EPHA7: variants seen among roughly 807,000 people sequenced by gnomAD.
The protein encoded by EPHA7 is EPH receptor A7, also known as ephrin type-A receptor 7.
In EPHA7, 25 loss-of-function variants were observed where a neutral mutation model predicts 112.6. That is an observed-to-expected ratio of 0.22 (90% CI 0.16 to 0.31). EPHA7 has a LOEUF of 0.31. Among genes scored for constraint, EPHA7 ranks in the 10% least tolerant of loss-of-function variants. EPHA7 has a pLI of 1.00. For synonymous variants in EPHA7, 437 were observed against 406.5 expected (o/e 1.07, Z -0.90); for missense variants, 962 against 1,212.6 (o/e 0.79, Z 3.07).
At position 93,259,366 on chromosome 6, in the gene EPHA7, C is replaced by T. The variant is rs1360471715; in HGVS notation, c.1912G>A (p.Val638Met). 1.2e-6 allele frequency: 2 copies of T among 1,611,874 alleles called. No individual in the cohort carries two copies. The highest frequency in any genetic ancestry group is 2.7e-5 in the African/African-American group (2 of 74,932). Residue 638 changes from valine (V) to methionine (M), a missense_variant, in exon 10 of 17, where the codon GTG becomes ATG. By Grantham distance (21) the Val-to-Met change is conservative. Coordinates refer to ENST00000369303, the MANE Select transcript of EPHA7 (RefSeq NM_004440.4). ...ACAATAGCCTTACCTGCACCAATCA[C>T]ACGCTCAATTTTAATACAGGAGGCA... ...LDASCIKIERVIGAGEFGEVC... is the reference protein window; with the variant it reads ...LDASCIKIERMIGAGEFGEVC...
intron 3 of EPHA7, among the ~76,000 whole-genome samples, chr6:93,403,025 C>T (rs1178808547): frequency 6.6e-6 from 1 of 151,996 alleles, no homozygotes; most frequent in African/African-American, 2.4e-5. Flanking sequence ...ATTATCTTCA[C>T]ATGAATAAAT....
Position 93,257,531 on chromosome 6 carries a change from TAAA to T in EPHA7, c.2111-11_2111-9del. On this transcript the variant is annotated splice_polypyrimidine_tract_variant and intron_variant, in intron 11 of 16. Coordinates refer to ENST00000369303, the MANE Select transcript of EPHA7 (RefSeq NM_004440.4). ...CTATCATGACTGGTTTCCCTAAAAT[TAAA>T]AAAAAAAAGTTTCAGGAGTCGTAAC... 1 of 1,305,138 alleles carries T rather than the reference TAAA, an allele frequency of 7.7e-7. No individual in the cohort carries two copies. Among genetic ancestry groups the T allele is most frequent in the Non-Finnish European group, 1.0e-6 (1 of 957,944 alleles). 80.8% of individuals were successfully genotyped at this position (1,305,138 alleles called of 1,614,324 possible). A position where few individuals can be genotyped will look rare whatever the true frequency, so the allele number is the denominator to read the frequency against.
chr6:93,262,730 A>G (rs116331464), intron 9 of EPHA7, among the ~76,000 whole-genome samples: 2,407 of 151,524 alleles, frequency 0.016, 65 homozygotes, highest in African/African-American at 0.055. Flanking sequence ...AACTAAAGGT[A>G]ACTGTTGGTT....
At chr6:93,387,100 T>C (rs1356618771) in intron 3 of EPHA7, among the ~76,000 whole-genome samples, 1 of 151,878 alleles carries the variant, frequency 6.6e-6, no homozygotes, top group African/African-American at 2.4e-5. Context: ...CCCCAGAAAA[T>C]TTTTTTTTCT....
intron 5 of EPHA7, among the ~76,000 whole-genome samples, chr6:93,302,575 C>A (rs540602700): frequency 6.6e-6 from 1 of 152,322 alleles, no homozygotes; most frequent in Non-Finnish European, 1.5e-5. Flanking sequence ...GAGATGTAGA[C>A]TGCTCTACCT....
intron 5 of EPHA7, among the ~76,000 whole-genome samples, chr6:93,316,444 C>A (rs164296): frequency 0.36 from 54,037 of 151,728 alleles, 10,033 homozygotes; most frequent in African/African-American, 0.46. Context: ...CATATGTTTT[C>A]AGAGACTTTG....
chr6:93,256,122 C>A, intron 12 of EPHA7, 85 bp from the exon 13 acceptor site: 1 of 1,221,616 alleles, frequency 8.2e-7, no homozygotes, highest in Non-Finnish European at 1.2e-6. Context: ...TGCGTGCTAG[C>A]AATTTGCTAT....
chr6:93,369,384 C>A (rs1450285222), intron 3 of EPHA7, among the ~76,000 whole-genome samples: 1 of 152,156 alleles, frequency 6.6e-6, no homozygotes, highest in African/African-American at 2.4e-5. Context: ...ATCCTACTAA[C>A]TTTGCATCCA....
intron 5 of EPHA7, among the ~76,000 whole-genome samples, chr6:93,325,722 C>A (rs771219271): frequency 6.6e-6 from 1 of 151,244 alleles, no homozygotes; most frequent in Non-Finnish European, 1.5e-5. Flanking sequence ...AAAACTGTTA[C>A]GAATCTACTG....
At chr6:93,368,113 A>G (rs1031639907) in intron 3 of EPHA7, among the ~76,000 whole-genome samples, 20 of 152,172 alleles carry the variant, frequency 1.3e-4, no homozygotes, top group Non-Finnish European at 2.9e-4. Flanking sequence ...TCTAAACACT[A>G]CATTATCCTT....
intron 5 of EPHA7, among the ~76,000 whole-genome samples, chr6:93,350,991 ATT>A (rs1775664131): frequency 6.6e-6 from 1 of 151,990 alleles, no homozygotes; most frequent in Non-Finnish European, 1.5e-5. Context: ...TGCCACTCTT[ATT>A]CTTTTGCATA....
Position 93,357,069 on chromosome 6 carries a change from TA to T in EPHA7, c.989-18del, listed in dbSNP as rs1350081329. On this transcript the variant is annotated intron_variant, in intron 4 of 16. Transcript: ENST00000369303. ...ATGGAGGCCCTTGGGAAACCAAGAA[TA>T]AATAAGTAAATAAGCAAAAATAGAA... The T allele has an allele frequency of 1.3e-6, 2 of 1,534,266 alleles. No homozygotes were observed. Among genetic ancestry groups the T allele is most frequent in the Non-Finnish European group, 1.8e-6 (2 of 1,135,744 alleles).
chr6:93,358,412 C>A lies in EPHA7; in HGVS notation c.833-1G>T. 1.3e-6 allele frequency: 2 copies of A among 1,591,090 alleles called. No homozygotes were observed. The highest frequency in any genetic ancestry group is 1.4e-5 in the African/African-American group (1 of 73,642). On this transcript the variant is annotated splice_acceptor_variant, in intron 3 of 16. Transcript: ENST00000369303. LOFTEE classifies it high-confidence loss of function. ...GACTTGTAGAACCCACGGCCACAGGCTGGGAATGCAAAAGAAAGCAAAAAT... is the reference window on the plus strand; with the variant it reads ...GACTTGTAGAACCCACGGCCACAGGATGGGAATGCAAAAGAAAGCAAAAAT...
chr6:93,416,152 C>T (rs1779211409), intron 1 of EPHA7, among the ~76,000 whole-genome samples: 1 of 151,864 alleles, frequency 6.6e-6, no homozygotes, highest in South Asian at 2.1e-4. Flanking sequence ...ACACCCACAA[C>T]ACTTTCAAAA....
intron 3 of EPHA7, among the ~76,000 whole-genome samples, chr6:93,380,344 A>T (rs1260242284): frequency 1.3e-5 from 2 of 152,124 alleles, no homozygotes; most frequent in Admixed American, 1.3e-4. Flanking sequence ...AGTATATAAT[A>T]CAAAAGCAAT....
At chr6:93,351,871 C>A in intron 5 of EPHA7, among the ~76,000 whole-genome samples, 1 of 151,950 alleles carries the variant, frequency 6.6e-6, no homozygotes, top group Admixed American at 6.6e-5. Context: ...AATAAATGTA[C>A]CTGGAATTAA....
At chr6:93,334,803 A>T (rs1774778182) in intron 5 of EPHA7, among the ~76,000 whole-genome samples, 2 of 152,106 alleles carry the variant, frequency 1.3e-5, no homozygotes, top group Non-Finnish European at 2.9e-5. Context: ...TTCTCTGATA[A>T]CCATGAACAT....
chr6:93,260,679 T>C, intron 9 of EPHA7: 1 of 976,818 alleles, frequency 1.0e-6, no homozygotes, highest in Non-Finnish European at 1.2e-6. Flanking sequence ...TTAAAAATCT[T>C]GATTTATTCT....
intron 3 of EPHA7, among the ~76,000 whole-genome samples, chr6:93,376,329 C>A (rs1359461905): frequency 6.6e-6 from 1 of 151,960 alleles, no homozygotes; most frequent in African/African-American, 2.4e-5. Context: ...TTTTTAGAGA[C>A]AAGGCCTTGC....
Sources: gnomAD v4.1 joint callset for allele counts (sites outside exome capture counted in the v4.1 genomes callset) on GRCh38, gnomAD v4.1.1 for gene constraint, MANE v1.5 for transcripts, NCBI Gene and HGNC (gene_info 2026-07-23, HGNC 2026-07-21) for gene names.